APBB1IP: variants seen among roughly 807,000 people sequenced by gnomAD.
APBB1IP encodes amyloid beta A4 precursor protein-binding family B member 1-interacting protein.
Under a neutral mutation model 64.9 loss-of-function variants are expected in APBB1IP, and 27 were observed. The ratio of observed to expected loss-of-function variants is 0.42; its 90% CI spans 0.31 to 0.57. The LOEUF is 0.57. Among genes scored for constraint, APBB1IP ranks in the 20% least tolerant of loss-of-function variants. APBB1IP has a pLI of 0.20. For missense variants in APBB1IP, 812 were observed against 845.5 expected (o/e 0.96, Z 0.49); for synonymous variants, 392 against 331.0 (o/e 1.18, Z -2.00).
intron 8 of APBB1IP, among the ~76,000 whole-genome samples, chr10:26,515,261 A>G (rs1214021804): frequency 6.6e-6 from 1 of 152,158 alleles, no homozygotes; most frequent in Non-Finnish European, 1.5e-5. Context: ...TCAGTGGTTC[A>G]AACAAGCTAC....
chr10:26,497,189 A>T (rs1836036220), intron 4 of APBB1IP, among the ~76,000 whole-genome samples: 1 of 151,682 alleles, frequency 6.6e-6, no homozygotes. Context: ...GAAAATAAAA[A>T]ACAAAACAAA....
intron 11 of APBB1IP, among the ~76,000 whole-genome samples, chr10:26,548,384 G>A (rs1043647036): frequency 1.5e-5 from 2 of 134,674 alleles, no homozygotes; most frequent in African/African-American, 5.7e-5. Context: ...TCCCCTTCCT[G>A]TGTCCATGTG....
At chr10:26,539,230 G>A (rs1242466904) in intron 10 of APBB1IP, among the ~76,000 whole-genome samples, 1 of 152,030 alleles carries the variant, frequency 6.6e-6, no homozygotes, top group East Asian at 1.9e-4. Flanking sequence ...GAGAAACATA[G>A]GGAGACCCTG....
intron 2 of APBB1IP, among the ~76,000 whole-genome samples, chr10:26,475,855 TTTTG>T (rs1376933968): frequency 6.6e-6 from 1 of 152,180 alleles, no homozygotes; most frequent in African/African-American, 2.4e-5. Flanking sequence ...GTTTGTTTTG[TTTTG>T]TTTTTTAACC....
chr10:26,511,982 C>A, intron 7 of APBB1IP, 76 bp downstream of exon 7: 1 of 1,452,306 alleles, frequency 6.9e-7, no homozygotes, highest in Non-Finnish European at 9.4e-7. Flanking sequence ...TGGGTTTATT[C>A]TTTTTTTCTC....
At chr10:26,485,423 A>T in intron 2 of APBB1IP, among the ~76,000 whole-genome samples, 1 of 152,204 alleles carries the variant, frequency 6.6e-6, no homozygotes, top group South Asian at 2.1e-4. Context: ...AGTTCTTCTC[A>T]TTAGTCTGGG....
chr10:26,458,770 G>T (rs554082177), intron 2 of APBB1IP, among the ~76,000 whole-genome samples: 6 of 151,922 alleles, frequency 3.9e-5, no homozygotes, highest in South Asian at 2.1e-4. Flanking sequence ...TGATATTTTT[G>T]AATATACTTT....
chr10:26,500,102 T>C (rs148182589), intron 4 of APBB1IP, among the ~76,000 whole-genome samples: 2,225 of 151,806 alleles, frequency 0.015, 28 homozygotes, highest in Admixed American at 0.027. Context: ...TCCCAGCTGC[T>C]TGGGAGGCTG....
At chr10:26,512,369 G>A (rs2132446469) in intron 7 of APBB1IP, among the ~76,000 whole-genome samples, 1 of 152,266 alleles carries the variant, frequency 6.6e-6, no homozygotes, top group East Asian at 1.9e-4. Context: ...TGGCAGGAGA[G>A]CCTGGGTATC....
chr10:26,513,130 A>G (rs1389322344), intron 7 of APBB1IP, among the ~76,000 whole-genome samples: 2 of 152,210 alleles, frequency 1.3e-5, no homozygotes, highest in Non-Finnish European at 2.9e-5. Context: ...TGAAAAAAGT[A>G]TGTCTCTGGG....
chr10:26,460,391 A>G (rs932538488), intron 2 of APBB1IP, among the ~76,000 whole-genome samples: 5 of 152,198 alleles, frequency 3.3e-5, no homozygotes, highest in African/African-American at 4.8e-5. Context: ...TTGACTCCCC[A>G]GCAATGTTTA....
Position 26,567,773 on chromosome 10 carries a change from C to T in APBB1IP, c.*285C>T, listed in dbSNP as rs544403889. ...TCATTTATTTTATTATGTTCAGAAG[C>T]ATCAAATAAAAGTTAAACGTTTTTC... On this transcript the variant is annotated 3_prime_UTR_variant, in exon 15 of 15. Transcript: ENST00000376236. 37 of 482,418 alleles carry T rather than the reference C, an allele frequency of 7.7e-5. No individual in the cohort carries two copies. In the South Asian group the frequency reaches 8.8e-4, roughly 12 times the overall value. The allele number at this position is 482,418 out of a possible 1,614,324, so 29.9% of individuals were successfully genotyped here. A position where few individuals can be genotyped will look rare whatever the true frequency, so the allele number is the denominator to read the frequency against.
At chr10:26,449,941 A>C (rs1055206920) in intron 2 of APBB1IP, among the ~76,000 whole-genome samples, 24 of 152,042 alleles carry the variant, frequency 1.6e-4, no homozygotes, top group Admixed American at 1.5e-3. Context: ...CAGGAAGTCG[A>C]GCTGCAGAGA....
chr10:26,505,555 G>A (rs950058894), intron 6 of APBB1IP, among the ~76,000 whole-genome samples: 1 of 151,970 alleles, frequency 6.6e-6, no homozygotes, highest in Non-Finnish European at 1.5e-5. Context: ...ATGTTGCCCA[G>A]GTTGGTCTCA....
At chr10:26,500,771 C>A in intron 4 of APBB1IP, 48 bp from the exon 5 acceptor site, 1 of 1,527,664 alleles carries the variant, frequency 6.5e-7, no homozygotes. Flanking sequence ...TTCAGTTTTT[C>A]CAGATGCAAA....
chr10:26,556,066 G>C (rs1472289965), intron 11 of APBB1IP, among the ~76,000 whole-genome samples: 1 of 152,140 alleles, frequency 6.6e-6, no homozygotes, highest in Non-Finnish European at 1.5e-5. Flanking sequence ...GTCTATAAGT[G>C]CCCTTTAAGC....
At chr10:26,519,152 G>A (rs1836370565) in intron 8 of APBB1IP, among the ~76,000 whole-genome samples, 1 of 151,406 alleles carries the variant, frequency 6.6e-6, no homozygotes, top group South Asian at 2.1e-4. Context: ...GGGGTGGGGT[G>A]GGGTGGGGGG....
At chr10:26,463,925 A>G (rs575107690) in intron 2 of APBB1IP, among the ~76,000 whole-genome samples, 106 of 152,076 alleles carry the variant, frequency 7.0e-4, no homozygotes, top group Non-Finnish European at 1.4e-3. Context: ...CTGGTGTGTG[A>G]TATTCCCTTC....
intron 4 of APBB1IP, among the ~76,000 whole-genome samples, chr10:26,500,083 C>T (rs1836077408): frequency 6.6e-6 from 1 of 151,806 alleles, no homozygotes; most frequent in African/African-American, 2.4e-5. Flanking sequence ...TAGTGGCATG[C>T]ACCTGTAGTC....
Sources: allele counts gnomAD v4.1 joint callset (sites outside exome capture counted in the v4.1 genomes callset), GRCh38; gene constraint gnomAD v4.1.1; transcripts MANE v1.5; gene names NCBI Gene and HGNC (gene_info 2026-07-23, HGNC 2026-07-21).